The following PDE7B variants were observed in gnomAD, a reference collection of about 807,000 sequenced individuals.
PDE7B encodes 3',5'-cyclic-AMP phosphodiesterase 7B.
In PDE7B, 29 loss-of-function variants were observed where a neutral mutation model predicts 56.2. That is an observed-to-expected ratio of 0.52 (90% CI 0.38 to 0.70). The LOEUF (loss-of-function observed/expected upper bound fraction) is 0.70. PDE7B is among the 30% of genes least tolerant of loss of function. The probability of loss-of-function intolerance (pLI) is 0.00; values close to 1 mark genes in which losing one functional copy is unlikely to be tolerated. For synonymous variants in PDE7B, 197 were observed against 196.9 expected (o/e 1.00, Z 0.00); for missense variants, 490 against 565.0 (o/e 0.87, Z 1.35).
intron 1 of PDE7B, among the ~76,000 whole-genome samples, chr6:135,901,832 A>G (rs943507633): frequency 3.9e-5 from 6 of 152,146 alleles, no homozygotes; most frequent in African/African-American, 1.4e-4. Context: ...ATAATGAGAG[A>G]GAAGTGTGCA....
At chr6:136,002,201 C>T (rs541146827) in intron 2 of PDE7B, among the ~76,000 whole-genome samples, 29 of 152,250 alleles carry the variant, frequency 1.9e-4, no homozygotes, top group Non-Finnish European at 3.2e-4. Flanking sequence ...CTGAAGGAAG[C>T]TCTAAACATG....
intron 2 of PDE7B, among the ~76,000 whole-genome samples, chr6:136,006,652 AT>A (rs1775790324): frequency 6.6e-6 from 1 of 151,942 alleles, no homozygotes; most frequent in Non-Finnish European, 1.5e-5. Context: ...ATTCCTGGGT[AT>A]TTTATTCTCT....
intron 1 of PDE7B, among the ~76,000 whole-genome samples, chr6:135,858,099 GAAGA>G (rs1278208050): frequency 1.7e-4 from 26 of 152,136 alleles, no homozygotes; most frequent in African/African-American, 6.0e-4. Context: ...GAAGGTAAAA[GAAGA>G]AAGAGTTCTA....
chr6:136,021,542 G>A (rs1397832227), intron 2 of PDE7B, among the ~76,000 whole-genome samples: 2 of 151,964 alleles, frequency 1.3e-5, no homozygotes, highest in Non-Finnish European at 2.9e-5. Context: ...TACTTGGGGG[G>A]CTGAGGCTGG....
chr6:135,911,787 C>G (rs1174475839), intron 1 of PDE7B, among the ~76,000 whole-genome samples: 1 of 152,072 alleles, frequency 6.6e-6, no homozygotes, highest in Non-Finnish European at 1.5e-5. Context: ...TTGAGATGTA[C>G]TACAAGACTT....
At chr6:135,937,800 A>T (rs1257907000) in intron 1 of PDE7B, among the ~76,000 whole-genome samples, 1 of 152,140 alleles carries the variant, frequency 6.6e-6, no homozygotes, top group East Asian at 1.9e-4. Context: ...CTAACCTCTG[A>T]AGGACCAGGG....
intron 11 of PDE7B, 65 bp downstream of exon 11, chr6:136,181,388 A>G (rs1157266959): frequency 1.0e-6 from 1 of 978,492 alleles, no homozygotes; most frequent in Non-Finnish European, 1.7e-6. Flanking sequence ...TATCCTAATA[A>G]AACAGGAAAT....
chr6:136,169,551 C>T (rs1266136390), intron 8 of PDE7B, among the ~76,000 whole-genome samples: 1 of 152,112 alleles, frequency 6.6e-6, no homozygotes, highest in Admixed American at 6.6e-5. Flanking sequence ...ATTTTTGTTC[C>T]ACTACATGGG....
chr6:135,980,272 C>A lies in PDE7B; in HGVS notation c.82+32748C>A, dbSNP rs534154218. Among the ~76,000 whole-genome samples, 20 of 152,250 alleles carry A rather than the reference C, an allele frequency of 1.3e-4. No individual in the cohort carries two copies. In the South Asian group the frequency reaches 3.1e-3, roughly 24 times the overall value. On this transcript the variant is annotated intron_variant, in intron 2 of 12. Coordinates refer to ENST00000308191, the MANE Select transcript of PDE7B (RefSeq NM_018945.4). ...GCTGAAACTGGATCCCTTCCTTACA[C>A]CTTATACAAAAATCAATTCAAGATG...
chr6:135,938,369 G>A (rs1010989817), intron 1 of PDE7B, among the ~76,000 whole-genome samples: 3 of 152,172 alleles, frequency 2.0e-5, no homozygotes, highest in African/African-American at 7.2e-5. Flanking sequence ...AAATAGCATT[G>A]CAAACTTCTG....
chr6:135,878,655 C>G (rs1775546129), intron 1 of PDE7B, among the ~76,000 whole-genome samples: 1 of 152,166 alleles, frequency 6.6e-6, no homozygotes, highest in South Asian at 2.1e-4. Flanking sequence ...TAAACTTTAA[C>G]TGATATTTGT....
At chr6:135,903,403 C>G (rs1456821642) in intron 1 of PDE7B, among the ~76,000 whole-genome samples, 2 of 152,204 alleles carry the variant, frequency 1.3e-5, no homozygotes, top group African/African-American at 4.8e-5. Flanking sequence ...ACTTCCTGTA[C>G]TCCAATATGC....
chr6:135,873,303 G>A (rs1035991923), intron 1 of PDE7B, among the ~76,000 whole-genome samples: 3 of 152,104 alleles, frequency 2.0e-5, no homozygotes. Flanking sequence ...TCTATGAATG[G>A]GGGTAAAGAT....
At chr6:136,038,338 G>A (rs892232532) in intron 2 of PDE7B, 1 of 1,292,292 alleles carries the variant, frequency 7.7e-7, no homozygotes, top group Non-Finnish European at 1.0e-6. Flanking sequence ...TAGGCAGGAG[G>A]TGGACAGGCC....
At chr6:135,968,858 A>G (rs1042442952) in intron 2 of PDE7B, among the ~76,000 whole-genome samples, 4 of 152,226 alleles carry the variant, frequency 2.6e-5, no homozygotes, top group Non-Finnish European at 4.4e-5. Context: ...TTGCAGCACC[A>G]TTCACAATAG....
intron 8 of PDE7B, 46 bp from the exon 9 acceptor site, chr6:136,173,751 A>G (rs777854449): frequency 8.1e-7 from 1 of 1,228,846 alleles, no homozygotes; most frequent in African/African-American, 1.5e-5. Context: ...AAAGATCAGT[A>G]TCTGGCTTCC....
intron 2 of PDE7B, among the ~76,000 whole-genome samples, chr6:136,096,859 T>C (rs920336148): frequency 1.3e-5 from 2 of 150,170 alleles, no homozygotes; most frequent in African/African-American, 2.4e-5. Flanking sequence ...AGGACTATGC[T>C]TCTCTCTCTC....
intron 2 of PDE7B, among the ~76,000 whole-genome samples, chr6:135,981,133 G>A (rs1363049459): frequency 7.3e-5 from 11 of 151,478 alleles, no homozygotes; most frequent in Non-Finnish European, 1.2e-4. Flanking sequence ...TGTCCTTTGT[G>A]GGGACATGGA....
At chr6:135,860,542 A>G (rs1775126017) in intron 1 of PDE7B, among the ~76,000 whole-genome samples, 2 of 152,018 alleles carry the variant, frequency 1.3e-5, no homozygotes, top group South Asian at 4.1e-4. Flanking sequence ...ATTTGGCGAC[A>G]TTCAGTATGG....
Sources: gnomAD v4.1 joint callset for allele counts (sites outside exome capture counted in the v4.1 genomes callset) on GRCh38, gnomAD v4.1.1 for gene constraint, MANE v1.5 for transcripts, NCBI Gene and HGNC (gene_info 2026-07-23, HGNC 2026-07-21) for gene names.